HERC1: variants seen among roughly 807,000 people sequenced by gnomAD.
HERC1 encodes the protein probable E3 ubiquitin-protein ligase HERC1.
A neutral mutation model predicts 554.3 loss-of-function variants in HERC1; 160 were observed. The observed-to-expected ratio is 0.29, with a 90% confidence interval of 0.25 to 0.33. The LOEUF (loss-of-function observed/expected upper bound fraction) is 0.33. Ranked by LOEUF, HERC1 falls within the 10% of genes least tolerant of loss-of-function variation. The pLI, the probability that HERC1 is intolerant of heterozygous loss-of-function variation, is 1.00. For missense variants in HERC1, 4,919 were observed against 5,918.5 expected, an observed-to-expected ratio of 0.83 and a Z score of 5.54; for synonymous variants, 2,175 against 2,131.7, an observed-to-expected ratio of 1.02 and a Z score of -0.56.
intron 12 of HERC1, among the ~76,000 whole-genome samples, chr15:63,742,917 A>G (rs1406874574): frequency 6.6e-6 from 1 of 152,182 alleles, no homozygotes; most frequent in Admixed American, 6.5e-5. Flanking sequence ...GCATCAGAGT[A>G]CTTTAATAGC....
At chr15:63,684,598 T>C (rs1320388011) in intron 34 of HERC1, among the ~76,000 whole-genome samples, 5 of 152,274 alleles carry the variant, frequency 3.3e-5, no homozygotes, top group Non-Finnish European at 5.9e-5. Context: ...CTCAATTTCA[T>C]ACAGAGAAAA....
At chr15:63,643,263 G>T in intron 58 of HERC1, 141 bp downstream of exon 58, 2 of 874,700 alleles carry the variant, frequency 2.3e-6, no homozygotes, top group Non-Finnish European at 1.7e-6. Flanking sequence ...AAATGTAAGG[G>T]CAGAGGATTC....
chr15:63,773,700 C>T lies in HERC1; in HGVS notation c.930+994G>A, dbSNP rs373847833. ...CTAGGATTACAGGTGCGCACCACCA[C>T]ACCCGGATAATTTTTGTATTTTTAG... is the stretch of plus-strand genomic sequence containing the variant. On this transcript the variant is annotated intron_variant, in intron 2 of 77. Transcript: ENST00000443617. Among the ~76,000 whole-genome samples, 6 of 151,798 alleles carry T rather than the reference C, an allele frequency of 4.0e-5. No individual in the cohort carries two copies. The East Asian group carries it at 1.2e-3, about 30-fold the overall frequency.
In HERC1 at chr15:63,774,899, A is replaced by G. The variant is rs2076072993; in HGVS notation, c.725T>C (p.Leu242Ser). 1.9e-6 allele frequency: 3 copies of G among 1,614,038 alleles called. No individual in the cohort carries two copies. The highest frequency in any genetic ancestry group is 2.5e-6 in the Non-Finnish European group (3 of 1,179,900). The stretch of plus-strand genomic sequence containing the variant: ...CAACTCAGAAGCTAATCTACGACCT[A>G]AAGTGTCTGCCCCAGAATTAGGAAT... ...VTIPNSGADTLGRRLASELLL... is the reference protein window; with the variant it reads ...VTIPNSGADTSGRRLASELLL... The change falls in exon 2 of 78, where the codon TTA becomes TCA. Residue 242 changes from leucine to serine, a missense_variant. Transcript: ENST00000443617.
Position 63,674,492 on chromosome 15 carries a change from A to G in HERC1, c.7696T>C (p.Leu2566=). ...GCTCGCTTCACCATGTGTCGCATCA[A>G]GAACTGCAGGGCTGCTCGCATCTCC... ...DVEMRAALQF[L]MRHMVKRAVM... is the part of the protein sequence containing the mutation. Residue 2566 remains leucine (L), a synonymous_variant, in exon 38 of 78, where the codon TTG becomes CTG. Transcript: ENST00000443617. 6.2e-7 allele frequency: 1 copy of G among 1,613,864 alleles called. No homozygotes were observed.
intron 39 of HERC1, among the ~76,000 whole-genome samples, chr15:63,671,259 A>G (rs2070904704): frequency 6.6e-6 from 1 of 151,152 alleles, no homozygotes; most frequent in African/African-American, 2.4e-5. Flanking sequence ...AGTCCCAGCT[A>G]CTCAGGAGAC....
intron 12 of HERC1, among the ~76,000 whole-genome samples, chr15:63,743,923 C>T (rs759293384): frequency 9.2e-5 from 14 of 152,112 alleles, no homozygotes; most frequent in Non-Finnish European, 1.8e-4. Context: ...CTTATCTGTA[C>T]CCATCCTTCT....
chr15:63,659,760 T>C lies in HERC1; in HGVS notation c.9400A>G (p.Met3134Val), dbSNP rs2070254954. 1.2e-6 allele frequency: 2 copies of C among 1,613,772 alleles called. No homozygotes were observed. Among genetic ancestry groups the C allele is most frequent in the Non-Finnish European group, 1.7e-6 (2 of 1,179,650 alleles). ...CCTATTTGCATCAGAGTCTCTTCCA[T>C]ACTGTTGGTGGCTGTGACCATTGCT... ...SVAMVTATNSMEETLMQIGCH... is the reference protein window; with the variant it reads ...SVAMVTATNSVEETLMQIGCH... Residue 3134 changes from methionine to valine, a missense_variant, in exon 47 of 78, where the codon ATG becomes GTG. Transcript: ENST00000443617.
At chr15:63,790,486 G>A (rs2076611900) in intron 1 of HERC1, among the ~76,000 whole-genome samples, 1 of 152,094 alleles carries the variant, frequency 6.6e-6, no homozygotes, top group Non-Finnish European at 1.5e-5. Context: ...GCTGAGGCAG[G>A]AGAATGGCAT....
chr15:63,716,349 G>A lies in HERC1; in HGVS notation c.4103C>T (p.Pro1368Leu), dbSNP rs766269901. 6.2e-7 allele frequency: 1 copy of A among 1,613,650 alleles called. No homozygotes were observed. Among genetic ancestry groups the A allele is most frequent in the South Asian group, 1.1e-5 (1 of 91,048 alleles). The stretch of plus-strand genomic sequence containing the variant: ...TTCCCGTTCCTCCTCTTCATCCTCT[G>A]GCTCCGGATGCCCCTCTTCCCGGTC... ...ERDREEGHPEPEDEEEEREHE... is the reference protein window; with the variant it reads ...ERDREEGHPELEDEEEEREHE... The change falls in exon 22 of 78, where the codon CCA (proline) becomes CTA (leucine). Residue 1368 changes from proline to leucine, a missense_variant. By Grantham distance (98) the Pro-to-Leu change is moderately conservative. Transcript: ENST00000443617.
chr15:63,628,609 A>T (rs1027104517), intron 70 of HERC1, 68 bp downstream of exon 70: 1 of 1,468,070 alleles, frequency 6.8e-7, no homozygotes, highest in African/African-American at 1.4e-5. Context: ...GGAACTGGCA[A>T]GCAGACAGTG....
chr15:63,832,492 G>A (rs1305270294), intron 1 of HERC1, among the ~76,000 whole-genome samples: 3 of 152,150 alleles, frequency 2.0e-5, no homozygotes, highest in African/African-American at 7.2e-5. Context: ...AAAACCTGAG[G>A]TAAATAGGTT....
intron 19 of HERC1, among the ~76,000 whole-genome samples, chr15:63,719,394 C>A (rs1029266366): frequency 1.3e-5 from 2 of 152,238 alleles, no homozygotes; most frequent in Admixed American, 6.5e-5. Flanking sequence ...CTGGGGCAAA[C>A]CGTGCATGCA....
At chr15:63,738,953 T>C (rs1246641742) in intron 12 of HERC1, among the ~76,000 whole-genome samples, 1 of 149,358 alleles carries the variant, frequency 6.7e-6, no homozygotes, top group African/African-American at 2.5e-5. Context: ...TTTGAGGGGA[T>C]ATGTCCCTCT....
At chr15:63,716,237 A>T in intron 22 of HERC1, 65 bp downstream of exon 22, 2 of 1,442,194 alleles carry the variant, frequency 1.4e-6, no homozygotes, top group Non-Finnish European at 1.9e-6. Context: ...TTCTCTTTCA[A>T]GTTAGTTCCC....
rs769125094 is a variant in HERC1, at chr15:63,696,375, TAACTC to T, written c.4906-41_4906-37del. Reference sequence around the variant, plus strand: ...AAAACATATTTTAGAGTTCTTCACTTAACTCAGACATGATGAAACTCTGTATGCCA... The same window carrying T: ...AAAACATATTTTAGAGTTCTTCACTTAGACATGATGAAACTCTGTATGCCA... On this transcript the variant is annotated intron_variant, in intron 26 of 77. Transcript: ENST00000443617. 6.8e-6 allele frequency: 10 copies of T among 1,466,790 alleles called. No individual in the cohort carries two copies. The South Asian group carries it at 1.1e-4, about 16-fold the overall frequency. The allele number at this position is 1,466,790 out of a possible 1,614,324, so 90.9% of individuals were successfully genotyped here.
chr15:63,628,386 T>C (rs916929108), intron 70 of HERC1, among the ~76,000 whole-genome samples: 1 of 151,940 alleles, frequency 6.6e-6, no homozygotes, highest in African/African-American at 2.4e-5. Context: ...CAAGACTCCA[T>C]CTCAAAAAAA....
chr15:63,733,850 T>C (rs2074394029), intron 13 of HERC1, among the ~76,000 whole-genome samples: 1 of 148,494 alleles, frequency 6.7e-6, no homozygotes, highest in Non-Finnish European at 1.5e-5. Context: ...AAACCCTGTC[T>C]CAAAAAGAAA....
In HERC1 at chr15:63,633,899, T is replaced by A. The variant is rs899774282; in HGVS notation, c.12642A>T (p.Gly4214=). ...DGSMVWAFGD[G]DYGKLGLGNS... is the part of the protein sequence containing the mutation. ...TTCCTAAGCCTAGTTTTCCATAGTC[T>A]CCATCTCCAAAAGCCCACACCATGG... The change falls in exon 67 of 78, where the codon GGA becomes GGT. Residue 4214 remains glycine, a synonymous_variant. Coordinates refer to ENST00000443617, the MANE Select transcript of HERC1 (RefSeq NM_003922.4). 7 of 1,613,582 alleles carry A rather than the reference T, an allele frequency of 4.3e-6. No homozygotes were observed. The highest frequency in any genetic ancestry group is 5.9e-6 in the Non-Finnish European group (7 of 1,179,794).
Sources: gnomAD v4.1 joint callset for allele counts (sites outside exome capture counted in the v4.1 genomes callset) on GRCh38, gnomAD v4.1.1 for gene constraint, MANE v1.5 for transcripts, NCBI Gene and HGNC (gene_info 2026-07-23, HGNC 2026-07-21) for gene names.